SRPK2: variants seen among roughly 807,000 people sequenced by gnomAD.
SRPK2 encodes SRSF protein kinase 2.
Under a neutral mutation model 90.8 loss-of-function variants are expected in SRPK2, and 21 were observed. That is an observed-to-expected ratio of 0.23 (90% CI 0.16 to 0.33). SRPK2 has a LOEUF of 0.33. SRPK2 is among the 10% of genes least tolerant of loss of function. The pLI is 1.00. For missense variants in SRPK2, 620 were observed against 869.0 expected, an observed-to-expected ratio of 0.71 and a Z score of 3.60; for synonymous variants, 288 against 311.1, an observed-to-expected ratio of 0.93 and a Z score of 0.78.
intron 2 of SRPK2, among the ~76,000 whole-genome samples, chr7:105,222,972 T>A (rs1013981232): frequency 3.9e-5 from 6 of 152,226 alleles, no homozygotes; most frequent in Non-Finnish European, 7.3e-5. Context: ...TCTTTTAAGT[T>A]TTAATTTTCT....
intron 11 of SRPK2, among the ~76,000 whole-genome samples, chr7:105,138,629 C>T (rs1803240442): frequency 6.6e-6 from 1 of 152,158 alleles, no homozygotes; most frequent in Non-Finnish European, 1.5e-5. Context: ...TAAAACCCTA[C>T]TTTCTCTACC....
At chr7:105,162,186 C>T (rs571136615) in intron 6 of SRPK2, among the ~76,000 whole-genome samples, 3 of 152,236 alleles carry the variant, frequency 2.0e-5, no homozygotes, top group Middle Eastern at 3.4e-3. Flanking sequence ...GGATTACAGG[C>T]GTGTGCCACT....
chr7:105,231,215 A>T (rs974028594), intron 2 of SRPK2, among the ~76,000 whole-genome samples: 1 of 152,150 alleles, frequency 6.6e-6, no homozygotes, highest in Non-Finnish European at 1.5e-5. Context: ...TTCTTTTCCT[A>T]AGGGTAATAG....
intron 2 of SRPK2, among the ~76,000 whole-genome samples, chr7:105,313,620 G>A (rs1480981303): frequency 6.5e-4 from 99 of 151,810 alleles, no homozygotes; most frequent in Admixed American, 6.4e-3. Context: ...GTGTGGCGTC[G>A]TGGACCTGTA....
At chr7:105,217,745 A>G (rs1797636525) in intron 2 of SRPK2, among the ~76,000 whole-genome samples, 1 of 152,216 alleles carries the variant, frequency 6.6e-6, no homozygotes, top group African/African-American at 2.4e-5. Context: ...TAAAATGAGA[A>G]AAAAATGAGT....
intron 7 of SRPK2, among the ~76,000 whole-genome samples, chr7:105,157,725 A>G (rs887192380): frequency 2.0e-5 from 3 of 152,204 alleles, no homozygotes; most frequent in Non-Finnish European, 2.9e-5. Context: ...AAGAAATAAT[A>G]TAAGAGCTCT....
chr7:105,178,638 G>A (rs932690681), intron 3 of SRPK2, among the ~76,000 whole-genome samples: 2 of 152,096 alleles, frequency 1.3e-5, no homozygotes, highest in Admixed American at 1.3e-4. Context: ...GGGCAAAAGA[G>A]TGAGAGTCCC....
At chr7:105,320,785 A>G (rs1037262836) in intron 2 of SRPK2, among the ~76,000 whole-genome samples, 1 of 152,110 alleles carries the variant, frequency 6.6e-6, no homozygotes, top group African/African-American at 2.4e-5. Flanking sequence ...GACCTGGAGC[A>G]GGATATAAAT....
At chr7:105,266,646 ATTTTT>A (rs554807600) in intron 2 of SRPK2, among the ~76,000 whole-genome samples, 16 of 150,178 alleles carry the variant, frequency 1.1e-4, no homozygotes. Flanking sequence ...CCATTAACTT[ATTTTT>A]TTTTTAAGTG....
chr7:105,135,565 G>T (rs983460718), intron 11 of SRPK2, among the ~76,000 whole-genome samples: 1 of 152,194 alleles, frequency 6.6e-6, no homozygotes, highest in Admixed American at 6.5e-5. Context: ...GCCACAGAAC[G>T]ATGTGATTTC....
At chr7:105,155,483 A>G (rs1806358331) in intron 7 of SRPK2, among the ~76,000 whole-genome samples, 1 of 152,216 alleles carries the variant, frequency 6.6e-6, no homozygotes, top group African/African-American at 2.4e-5. Context: ...TCTCAGTGAG[A>G]GGAAAACTGG....
intron 2 of SRPK2, among the ~76,000 whole-genome samples, chr7:105,355,274 G>C (rs993843278): frequency 1.3e-5 from 2 of 151,766 alleles, no homozygotes; most frequent in African/African-American, 4.8e-5. Flanking sequence ...AGCAGGAGGA[G>C]TGCTAGAGAC....
At chr7:105,347,208 C>T (rs555314824) in intron 2 of SRPK2, among the ~76,000 whole-genome samples, 4 of 152,004 alleles carry the variant, frequency 2.6e-5, no homozygotes, top group South Asian at 4.2e-4. Flanking sequence ...GGACTACAGA[C>T]ATGTGCCACC....
chr7:105,301,724 T>A (rs755988429), intron 2 of SRPK2: 3 of 1,607,952 alleles, frequency 1.9e-6, no homozygotes, highest in South Asian at 2.2e-5. Flanking sequence ...GCTTTTTTTT[T>A]AACAACACCG....
At chr7:105,256,628 G>C (rs1803350400) in intron 2 of SRPK2, among the ~76,000 whole-genome samples, 1 of 152,118 alleles carries the variant, frequency 6.6e-6, no homozygotes, top group Non-Finnish European at 1.5e-5. Flanking sequence ...AAAGCACTTG[G>C]ATTACAGGAA....
intron 2 of SRPK2, among the ~76,000 whole-genome samples, chr7:105,323,217 A>T (rs1813140480): frequency 6.6e-6 from 1 of 152,204 alleles, no homozygotes; most frequent in Admixed American, 6.5e-5. Context: ...CTACAAAAAG[A>T]AACAGTAAGA....
At chr7:105,136,033 G>A (rs6944847) in intron 11 of SRPK2, among the ~76,000 whole-genome samples, 108,551 of 152,058 alleles carry the variant, frequency 0.71, 41,771 homozygotes, top group Non-Finnish European at 0.87. Context: ...CCAAAGTGCC[G>A]GGATTACAGG....
intron 2 of SRPK2, among the ~76,000 whole-genome samples, chr7:105,237,696 C>CA (rs1800304775): frequency 1.3e-5 from 2 of 152,322 alleles, no homozygotes; most frequent in African/African-American, 4.8e-5. Flanking sequence ...AGAGTTATCA[C>CA]AAAGACCGAA....
intron 2 of SRPK2, among the ~76,000 whole-genome samples, chr7:105,350,829 CAGAT>C (rs1051310446): frequency 6.6e-6 from 1 of 152,146 alleles, no homozygotes; most frequent in Admixed American, 6.6e-5. Context: ...CTGAGGCACA[CAGAT>C]AGCTTAAACA....
Sources: gnomAD v4.1 joint callset for allele counts (sites outside exome capture counted in the v4.1 genomes callset) on GRCh38, gnomAD v4.1.1 for gene constraint, MANE v1.5 for transcripts, NCBI Gene and HGNC (gene_info 2026-07-23, HGNC 2026-07-21) for gene names.